The following SIL1 variants were observed in gnomAD, a reference collection of about 807,000 sequenced individuals.
SIL1 encodes the protein SIL1 nucleotide exchange factor, also known as nucleotide exchange factor SIL1.
In SIL1, 40 loss-of-function variants were observed where a neutral mutation model predicts 49.1. The observed-to-expected ratio is 0.81, with a 90% confidence interval of 0.63 to 1.06. The LOEUF (loss-of-function observed/expected upper bound fraction) is 1.06. Ranked by LOEUF, SIL1 falls within the 50% of genes least tolerant of loss-of-function variation. The pLI, the probability that SIL1 is intolerant of heterozygous loss-of-function variation, is 0.00. For synonymous variants in SIL1, 253 were observed against 250.8 expected (o/e 1.01, Z -0.08); for missense variants, 500 against 572.6 (o/e 0.87, Z 1.29).
At chr5:139,156,400 T>TA (rs553781309) in intron 1 of SIL1, among the ~76,000 whole-genome samples, 4,879 of 117,662 alleles carry the variant, frequency 0.041, 85 homozygotes, top group African/African-American at 0.044. Flanking sequence ...GTTACCTTAT[T>TA]AAAAAAAAAA....
At chr5:139,041,922 C>T (rs1561839600) in intron 5 of SIL1, among the ~76,000 whole-genome samples, 1 of 151,618 alleles carries the variant, frequency 6.6e-6, no homozygotes, top group Non-Finnish European at 1.5e-5. Flanking sequence ...CTTTCAAAAA[C>T]TGACAGGACT....
chr5:138,964,314 T>C (rs1242532458), intron 7 of SIL1, among the ~76,000 whole-genome samples: 1 of 152,070 alleles, frequency 6.6e-6, no homozygotes, highest in Non-Finnish European at 1.5e-5. Flanking sequence ...TCAGACAAAA[T>C]TAACAGCCGA....
chr5:139,087,868 G>A (rs1006915281), intron 3 of SIL1, among the ~76,000 whole-genome samples: 4 of 152,130 alleles, frequency 2.6e-5, no homozygotes, highest in Non-Finnish European at 5.9e-5. Context: ...TCCTCAGGGA[G>A]AGGTTACCAG....
chr5:139,195,926 T>C (rs942114463), intron 1 of SIL1, among the ~76,000 whole-genome samples: 3 of 152,248 alleles, frequency 2.0e-5, no homozygotes, highest in Non-Finnish European at 4.4e-5. Context: ...GGCTCACGCC[T>C]GTAATCTCAA....
intron 3 of SIL1, among the ~76,000 whole-genome samples, chr5:139,112,270 G>A (rs1430972096): frequency 3.3e-4 from 50 of 152,012 alleles, no homozygotes; most frequent in Admixed American, 8.5e-4. Flanking sequence ...CCGCCACCCC[G>A]TCCGAGAAGT....
At chr5:139,190,771 G>A (rs961579710) in intron 1 of SIL1, among the ~76,000 whole-genome samples, 3 of 152,172 alleles carry the variant, frequency 2.0e-5, no homozygotes, top group African/African-American at 7.2e-5. Flanking sequence ...ACCACAAACA[G>A]CCAGCCCTGA....
chr5:139,168,835 G>T (rs1176052732), intron 1 of SIL1, among the ~76,000 whole-genome samples: 1 of 151,768 alleles, frequency 6.6e-6, no homozygotes, highest in African/African-American at 2.4e-5. Context: ...GACGGCACGT[G>T]TCTGTAGTCC....
chr5:139,177,680 A>G (rs1327018266), intron 1 of SIL1, among the ~76,000 whole-genome samples: 6 of 152,218 alleles, frequency 3.9e-5, no homozygotes, highest in African/African-American at 1.4e-4. Context: ...TCTAGGGTCT[A>G]TACCCGCCCA....
At chr5:139,101,039 G>C (rs563410291) in intron 3 of SIL1, among the ~76,000 whole-genome samples, 1 of 152,138 alleles carries the variant, frequency 6.6e-6, no homozygotes, top group South Asian at 2.1e-4. Flanking sequence ...GACTGAGCCT[G>C]GGGCGTTCTG....
intron 3 of SIL1, among the ~76,000 whole-genome samples, chr5:139,111,993 C>A (rs540763383): frequency 1.6e-4 from 24 of 152,358 alleles, no homozygotes; most frequent in African/African-American, 5.5e-4. Context: ...TGCAGGTGCG[C>A]GCCGCCACGC....
At chr5:139,068,091 C>A (rs1769746111) in intron 3 of SIL1, among the ~76,000 whole-genome samples, 1 of 152,136 alleles carries the variant, frequency 6.6e-6, no homozygotes, top group South Asian at 2.1e-4. Context: ...TATATGATTT[C>A]ATCTTTCTTT....
chr5:139,166,080 G>C (rs1751611890), intron 1 of SIL1, among the ~76,000 whole-genome samples: 1 of 152,110 alleles, frequency 6.6e-6, no homozygotes, highest in Non-Finnish European at 1.5e-5. Flanking sequence ...CTATGTCATG[G>C]GCCATGGTCA....
At chr5:139,074,816 CTCTG>C (rs10546047) in intron 3 of SIL1, among the ~76,000 whole-genome samples, 38,661 of 151,822 alleles carry the variant, frequency 0.25, 5,904 homozygotes, top group Middle Eastern at 0.39. Flanking sequence ...CTCTTTCTCT[CTCTG>C]TCTTTTTTAT....
chr5:139,008,902 T>C lies in SIL1; in HGVS notation c.767+12269A>G, dbSNP rs1331238879. Among the ~76,000 whole-genome samples the C allele has an allele frequency of 3.9e-5, 6 of 152,220 alleles. No homozygotes were observed. In the East Asian group the frequency reaches 7.7e-4, roughly 20 times the overall value. The stretch of plus-strand genomic sequence containing the variant: ...TCCAAGTATGTGGTCAATTTTGGAA[T>C]AGGTGTGGTGTGGTGCTGAAAAAAA... On this transcript the variant is annotated intron_variant, in intron 7 of 9. Transcript: ENST00000394817.
intron 5 of SIL1, among the ~76,000 whole-genome samples, chr5:139,031,565 C>G (rs1561835866): frequency 6.6e-6 from 1 of 152,106 alleles, no homozygotes; most frequent in African/African-American, 2.4e-5. Flanking sequence ...TCCACTTATT[C>G]TTCTTTTTAA....
chr5:139,161,789 G>C (rs544028981), intron 1 of SIL1, among the ~76,000 whole-genome samples: 1 of 152,184 alleles, frequency 6.6e-6, no homozygotes, highest in East Asian at 1.9e-4. Context: ...GGCTGAGGTG[G>C]GCAGATTGAG....
intron 1 of SIL1, among the ~76,000 whole-genome samples, chr5:139,163,130 A>C (rs1262138900): frequency 1.3e-5 from 2 of 151,950 alleles, no homozygotes; most frequent in Non-Finnish European, 2.9e-5. Flanking sequence ...CAAGGAAGGC[A>C]GGCAGGGATC....
intron 3 of SIL1, among the ~76,000 whole-genome samples, chr5:139,118,464 G>C (rs932845895): frequency 2.6e-5 from 4 of 152,122 alleles, no homozygotes; most frequent in Non-Finnish European, 4.4e-5. Flanking sequence ...CAGCAGGCAG[G>C]GCAGGACACT....
chr5:139,053,336 A>G (rs551919352), intron 3 of SIL1, among the ~76,000 whole-genome samples: 1 of 152,144 alleles, frequency 6.6e-6, no homozygotes, highest in Non-Finnish European at 1.5e-5. Context: ...TCTTGAATGC[A>G]TACTCTTCTC....
Sources: gnomAD v4.1 joint callset for allele counts (sites outside exome capture counted in the v4.1 genomes callset) on GRCh38, gnomAD v4.1.1 for gene constraint, MANE v1.5 for transcripts, NCBI Gene and HGNC (gene_info 2026-07-23, HGNC 2026-07-21) for gene names.